Variants in AFF2 observed in about 807,000 individuals in gnomAD.
AFF2 encodes the protein AF4/FMR2 family member 2.
A neutral mutation model predicts 76.9 loss-of-function variants in AFF2; 14 were observed. The ratio of observed to expected loss-of-function variants is 0.18; its 90% CI spans 0.12 to 0.28. AFF2 has a LOEUF of 0.28. AFF2 is among the 10% of genes least tolerant of loss of function. The pLI, the probability that AFF2 is intolerant of heterozygous loss-of-function variation, is 1.00. For synonymous variants in AFF2, 398 were observed against 366.7 expected (o/e 1.09, Z -0.98); for missense variants, 868 against 1,001.1 (o/e 0.87, Z 1.79).
At chrX:148,719,489 G>C (rs1287501358) in intron 3 of AFF2, among the ~76,000 whole-genome samples, 1 of 111,570 alleles carries the variant, frequency 9.0e-6, no homozygotes, top group Non-Finnish European at 1.9e-5. Flanking sequence ...GTCCCTTTTG[G>C]AACTAAGGAC....
intron 9 of AFF2, among the ~76,000 whole-genome samples, chrX:148,946,335 T>C (rs1366088362): frequency 3.6e-5 from 4 of 112,479 alleles, no homozygotes; most frequent in African/African-American, 1.3e-4. Flanking sequence ...TGGGCTTATA[T>C]GTTTGGACTT....
At chrX:148,515,397 TAATAA>T (rs1557233681) in intron 1 of AFF2, among the ~76,000 whole-genome samples, 2 of 112,477 alleles carry the variant, frequency 1.8e-5, no homozygotes, top group African/African-American at 6.5e-5. Context: ...TTGCTTTAGC[TAATAA>T]AGCCATACTT....
intron 3 of AFF2, among the ~76,000 whole-genome samples, chrX:148,808,448 T>C (rs2070164298): frequency 8.9e-6 from 1 of 112,622 alleles, no homozygotes; most frequent in Non-Finnish European, 1.9e-5. Flanking sequence ...TTACAAGGTA[T>C]GCCCAGCCAA....
chrX:148,757,421 G>A (rs995123026), intron 3 of AFF2, among the ~76,000 whole-genome samples: 1 of 111,412 alleles, frequency 9.0e-6, no homozygotes, highest in Non-Finnish European at 1.9e-5. Flanking sequence ...TGTACTGTAT[G>A]TGTGTGTATA....
At chrX:148,792,441 G>A (rs1603301558) in intron 3 of AFF2, among the ~76,000 whole-genome samples, 1 of 112,568 alleles carries the variant, frequency 8.9e-6, no homozygotes, top group African/African-American at 3.2e-5. Flanking sequence ...CGATAAGAGC[G>A]AGACTCCGTC....
intron 1 of AFF2, among the ~76,000 whole-genome samples, chrX:148,561,852 A>C (rs1486482823): frequency 9.0e-6 from 1 of 111,254 alleles, no homozygotes; most frequent in Non-Finnish European, 1.9e-5. Flanking sequence ...GGTTCAACCA[A>C]GGGGAAATAA....
intron 1 of AFF2, among the ~76,000 whole-genome samples, chrX:148,628,822 A>G (rs1557252586): frequency 8.9e-6 from 1 of 112,278 alleles, no homozygotes; most frequent in East Asian, 2.8e-4. Flanking sequence ...CTGCTTTGGC[A>G]GATGAATGGT....
intron 3 of AFF2, among the ~76,000 whole-genome samples, chrX:148,781,233 C>G (rs1473422747): frequency 8.9e-6 from 1 of 112,203 alleles, no homozygotes. Flanking sequence ...CAGTCTGTCC[C>G]TTAGCAGAGC....
intron 1 of AFF2, among the ~76,000 whole-genome samples, chrX:148,644,203 A>T (rs1204175697): frequency 8.9e-6 from 1 of 111,977 alleles, no homozygotes; most frequent in Non-Finnish European, 1.9e-5. Flanking sequence ...TACCTTCTGG[A>T]TCAATTGCAC....
At chrX:148,803,892 T>A (rs915028795) in intron 3 of AFF2, among the ~76,000 whole-genome samples, 3 of 110,408 alleles carry the variant, frequency 2.7e-5, no homozygotes, top group African/African-American at 9.9e-5. Flanking sequence ...AAGTCCCATC[T>A]CCAGCCTCCT....
intron 4 of AFF2, among the ~76,000 whole-genome samples, chrX:148,833,009 G>C (rs2124661839): frequency 9.0e-6 from 1 of 111,609 alleles, no homozygotes; most frequent in East Asian, 2.8e-4. Flanking sequence ...CTCTTTTACA[G>C]TAAGTACCTT....
At chrX:148,899,090 C>T (rs1557280629) in intron 8 of AFF2, among the ~76,000 whole-genome samples, 1 of 111,567 alleles carries the variant, frequency 9.0e-6, no homozygotes, top group African/African-American at 3.3e-5. Context: ...CCCCGTATGA[C>T]AAGTCAGAAA....
At chrX:148,719,498 ACAACCAGAG>A (rs1405703788) in intron 3 of AFF2, among the ~76,000 whole-genome samples, 3 of 111,851 alleles carry the variant, frequency 2.7e-5, no homozygotes, top group African/African-American at 9.7e-5. Context: ...GGAACTAAGG[ACAACCAGAG>A]CATAATGGAT....
At chrX:148,560,618 T>G (rs1186677789) in intron 1 of AFF2, among the ~76,000 whole-genome samples, 1 of 111,344 alleles carries the variant, frequency 9.0e-6, no homozygotes, top group African/African-American at 3.3e-5. Context: ...GGGAGAAAAT[T>G]TTTGCAATCT....
intron 1 of AFF2, among the ~76,000 whole-genome samples, chrX:148,505,514 AT>A (rs1394672115): frequency 2.7e-5 from 3 of 111,321 alleles, no homozygotes; most frequent in Non-Finnish European, 5.7e-5. Context: ...TACAAATTAT[AT>A]TGTATTTAAA....
intron 1 of AFF2, among the ~76,000 whole-genome samples, chrX:148,578,432 C>T (rs1557243829): frequency 9.0e-6 from 1 of 111,621 alleles, no homozygotes; most frequent in Admixed American, 9.6e-5. Context: ...AACCAAGTGC[C>T]CCATGTATAG....
chrX:148,896,168 A>G (rs1301231741), intron 8 of AFF2, among the ~76,000 whole-genome samples: 10 of 110,944 alleles, frequency 9.0e-5, no homozygotes, highest in Non-Finnish European at 1.9e-4. Context: ...GCTAGATACA[A>G]CTCCTTAGCT....
chrX:148,723,792 G>A (rs1557264021), intron 3 of AFF2, among the ~76,000 whole-genome samples: 1 of 111,571 alleles, frequency 9.0e-6, no homozygotes, highest in Admixed American at 9.5e-5. Context: ...TGTCTGATTT[G>A]TGGCCACAGG....
chrX:148,620,096 G>C (rs1287600343), intron 1 of AFF2, among the ~76,000 whole-genome samples: 1 of 111,468 alleles, frequency 9.0e-6, no homozygotes, highest in African/African-American at 3.3e-5. Context: ...AAACTCCGGA[G>C]TTCAGTCTCA....
Sources: allele counts gnomAD v4.1 joint callset (sites outside exome capture counted in the v4.1 genomes callset), GRCh38; gene constraint gnomAD v4.1.1; transcripts MANE v1.5; gene names NCBI Gene and HGNC (gene_info 2026-07-23, HGNC 2026-07-21).